Variants in DNM3 observed in about 807,000 individuals in gnomAD.
DNM3 encodes dynamin 3.
In DNM3, 47 loss-of-function variants were observed where a neutral mutation model predicts 101.6. The observed-to-expected ratio is 0.46, with a 90% CI of 0.37 to 0.59. The LOEUF (loss-of-function observed/expected upper bound fraction) is 0.59. DNM3 is among the 20% of genes least tolerant of loss of function. The pLI is 0.00. For missense variants in DNM3, 849 were observed against 1,085.7 expected (o/e 0.78, Z 3.06); for synonymous variants, 385 against 387.9 (o/e 0.99, Z 0.09).
intron 4 of DNM3, among the ~76,000 whole-genome samples, chr1:172,003,335 A>G (rs1189809910): frequency 6.6e-6 from 1 of 152,030 alleles, no homozygotes; most frequent in East Asian, 1.9e-4. Context: ...TAACATTTCC[A>G]TTAATGTAAT....
At chr1:172,229,667 A>G (rs1279651158) in intron 14 of DNM3, among the ~76,000 whole-genome samples, 1 of 152,178 alleles carries the variant, frequency 6.6e-6, no homozygotes, top group Non-Finnish European at 1.5e-5. Flanking sequence ...CGTGGCATGG[A>G]ATAATAACTA....
intron 10 of DNM3, among the ~76,000 whole-genome samples, chr1:172,064,203 G>A (rs1245102507): frequency 3.3e-5 from 5 of 152,094 alleles, no homozygotes; most frequent in African/African-American, 9.6e-5. Context: ...AATCATTAGA[G>A]GAATAAAGGC....
rs539466730 is a variant in DNM3 at position 172,334,594 on chromosome 1, T to C, written c.1893+11254T>C. On this transcript the variant is annotated intron_variant, in intron 17 of 20. Transcript: ENST00000627582. ...GTGTCCTTCATTAATGGAGCCCAAT[T>C]CACTTAGGATTGGATGAAGAAGGGG... Among the ~76,000 whole-genome samples, 5 of 152,300 alleles carry C rather than the reference T, an allele frequency of 3.3e-5. No homozygotes were observed. In the East Asian group the frequency reaches 9.6e-4, roughly 29 times the overall value.
rs531179172 is a variant in DNM3, at chr1:171,990,613, C to A, written c.589+1465C>A. ...GAGTCCAGAGTCCCTCTGGTTCAAC[C>A]TCTTTTGAAGCAAGTCTTCAGTACT... On this transcript the variant is annotated intron_variant, in intron 4 of 20. Transcript: ENST00000627582. Among the ~76,000 whole-genome samples, 9 of 152,212 alleles carry A rather than the reference C, an allele frequency of 5.9e-5. No homozygotes were observed. The South Asian group carries it at 1.9e-3, about 32-fold the overall frequency.
At position 172,251,561 on chromosome 1, in the gene DNM3, A is replaced by G. The variant is rs149392810; in HGVS notation, c.1660-2012A>G. Reference sequence around the variant, plus strand: ...ACTTTGGATATGAGGACCATTTTTCATGTTCCCCAGGCTGCATATGTGTGT... The same window carrying G: ...ACTTTGGATATGAGGACCATTTTTCGTGTTCCCCAGGCTGCATATGTGTGT... On this transcript the variant is annotated intron_variant, in intron 14 of 20. Transcript: ENST00000627582. Among the ~76,000 whole-genome samples the G allele has an allele frequency of 6.8e-4, 103 of 152,208 alleles. 1 individual carries two copies. The highest frequency in any genetic ancestry group is 3.1e-3 in the East Asian group (16 of 5,182).
intron 12 of DNM3, 63 bp downstream of exon 12, chr1:172,081,965 T>C (rs1177286385): frequency 6.6e-7 from 1 of 1,521,546 alleles, no homozygotes. Context: ...ACACACATTG[T>C]GAATTTTTAC....
chr1:172,058,061 C>A (rs1398699516), intron 10 of DNM3, among the ~76,000 whole-genome samples: 1 of 137,990 alleles, frequency 7.2e-6, no homozygotes, highest in African/African-American at 2.8e-5. Context: ...TCTGATAAAA[C>A]AGACTTTAAA....
intron 7 of DNM3, 116 bp downstream of exon 7, chr1:172,038,577 A>G: frequency 1.6e-6 from 2 of 1,271,352 alleles, no homozygotes; most frequent in East Asian, 2.3e-5. Context: ...ATATGAGGCT[A>G]TCTATATGAT....
chr1:172,121,285 A>G (rs1198304713), intron 13 of DNM3, among the ~76,000 whole-genome samples: 2 of 152,214 alleles, frequency 1.3e-5, no homozygotes, highest in Non-Finnish European at 2.9e-5. Flanking sequence ...TAGGTGAGTA[A>G]ACTCTGAGAA....
At chr1:172,252,840 A>T (rs934159156) in intron 14 of DNM3, among the ~76,000 whole-genome samples, 1 of 152,124 alleles carries the variant, frequency 6.6e-6, no homozygotes, top group African/African-American at 2.4e-5. Flanking sequence ...TACCTCTTCA[A>T]TGTTCATATT....
chr1:172,036,068 A>G (rs1052502530), intron 6 of DNM3, among the ~76,000 whole-genome samples: 6 of 149,556 alleles, frequency 4.0e-5, no homozygotes, highest in Non-Finnish European at 7.4e-5. Flanking sequence ...GGTTAGTTAC[A>G]TATGTATACA....
intron 14 of DNM3, among the ~76,000 whole-genome samples, chr1:172,156,314 TA>T (rs1379823642): frequency 2.0e-5 from 3 of 152,098 alleles, no homozygotes; most frequent in African/African-American, 7.2e-5. Flanking sequence ...TGTTTCTACT[TA>T]AAACTCATGC....
chr1:172,065,806 T>C (rs148977657), intron 10 of DNM3, among the ~76,000 whole-genome samples: 35 of 152,324 alleles, frequency 2.3e-4, no homozygotes, highest in African/African-American at 8.4e-4. Flanking sequence ...TTGAAATATT[T>C]GGAAAATGTA....
At chr1:171,970,968 A>T (rs768235173) in intron 2 of DNM3, among the ~76,000 whole-genome samples, 5 of 152,140 alleles carry the variant, frequency 3.3e-5, no homozygotes, top group African/African-American at 4.8e-5. Flanking sequence ...GAACATTTAA[A>T]AAAATAATAA....
At chr1:172,196,221 T>A (rs142901209) in intron 14 of DNM3, among the ~76,000 whole-genome samples, 1 of 151,882 alleles carries the variant, frequency 6.6e-6, no homozygotes, top group Non-Finnish European at 1.5e-5. Context: ...CCATGTTCCC[T>A]CAAAAGACAA....
intron 13 of DNM3, among the ~76,000 whole-genome samples, chr1:172,107,928 G>A (rs146153473): frequency 3.3e-5 from 5 of 152,154 alleles, no homozygotes; most frequent in African/African-American, 1.2e-4. Context: ...CATTCTTAAG[G>A]TATTTCAAGG....
At chr1:171,982,499 C>T (rs1310633722) in intron 2 of DNM3, among the ~76,000 whole-genome samples, 1 of 152,018 alleles carries the variant, frequency 6.6e-6, no homozygotes, top group Non-Finnish European at 1.5e-5. Flanking sequence ...CTTTGGTTTC[C>T]GTAGAAAAAA....
chr1:172,350,668 TCTCA>T (rs1366783974), intron 17 of DNM3, among the ~76,000 whole-genome samples: 1 of 152,158 alleles, frequency 6.6e-6, no homozygotes, highest in Non-Finnish European at 1.5e-5. Flanking sequence ...AAGCTCCAGT[TCTCA>T]CTCACATTAA....
At chr1:172,285,864 C>T (rs796160092) in intron 15 of DNM3, among the ~76,000 whole-genome samples, 6 of 152,052 alleles carry the variant, frequency 3.9e-5, no homozygotes, top group African/African-American at 1.2e-4. Context: ...ACAGCCCCAA[C>T]GCAGTCCCAG....
Sources: gnomAD v4.1 joint callset for allele counts (sites outside exome capture counted in the v4.1 genomes callset) on GRCh38, gnomAD v4.1.1 for gene constraint, MANE v1.5 for transcripts, NCBI Gene and HGNC (gene_info 2026-07-23, HGNC 2026-07-21) for gene names.